PLEKHA2: variants seen among roughly 807,000 people sequenced by gnomAD.
PLEKHA2 encodes pleckstrin homology domain-containing family A member 2.
In PLEKHA2, 28 loss-of-function variants were observed where a neutral mutation model predicts 53.2. The observed-to-expected ratio is 0.53, with a 90% CI of 0.39 to 0.72. The LOEUF is 0.72. PLEKHA2 is among the 30% of genes least tolerant of loss of function. The pLI, the probability that PLEKHA2 is intolerant of heterozygous loss-of-function variation, is 0.00. For missense variants in PLEKHA2, 426 were observed against 537.9 expected, an observed-to-expected ratio of 0.79 and a Z score of 2.06; for synonymous variants, 193 against 196.4, an observed-to-expected ratio of 0.98 and a Z score of 0.14.
rs144541661 is a variant in PLEKHA2, at chr8:38,951,469, G to GTTT, written c.486+501_486+503dup. Among the ~76,000 whole-genome samples, 444 of 91,790 alleles carry GTTT rather than the reference G, an allele frequency of 4.8e-3. 6 individuals are homozygous for GTTT. Among genetic ancestry groups the GTTT allele is most frequent in the African/African-American group, 0.014 (314 of 22,216 alleles). 60.2% of individuals were successfully genotyped at this position (91,790 alleles called of 152,430 possible). The stretch of plus-strand genomic sequence containing the variant: ...GTTTTAATTATTTATATTTATTTAA[G>GTTT]TTTTTTTTTTTTTTTTTTTTTTTTG... On this transcript the variant is annotated intron_variant, in intron 6 of 11. Coordinates refer to ENST00000617275, the MANE Select transcript of PLEKHA2 (RefSeq NM_021623.2).
Position 38,969,645 on chromosome 8 carries a change from G to T in PLEKHA2, c.1140G>T (p.Thr380=), listed in dbSNP as rs760851419. 8.8e-6 allele frequency: 14 copies of T among 1,598,646 alleles called. 1 individual carries two copies. The South Asian group carries it at 1.1e-4, about 13-fold the overall frequency. The change falls in exon 12 of 12, where the codon ACG becomes ACT. Residue 380 remains threonine (T), a synonymous_variant. Transcript: ENST00000617275. The stretch of plus-strand genomic sequence containing the variant: ...ACACTTCAGAGGACTCCTTGTTCAC[G>T]CCTCGTCCTGGGGAGGGCAGCGCTC... ...PGDTSEDSLF[T]PRPGEGSAPG... is the part of the protein sequence containing the mutation.
chr8:38,908,857 T>C (rs1833915981), intron 1 of PLEKHA2, among the ~76,000 whole-genome samples: 1 of 152,152 alleles, frequency 6.6e-6, no homozygotes, highest in African/African-American at 2.4e-5. Context: ...ATTTAATTAT[T>C]TTCTGGGCCA....
In PLEKHA2 at chr8:38,970,748, A is replaced by C. The variant is rs1835233590; in HGVS notation, c.*965A>C. On this transcript the variant is annotated 3_prime_UTR_variant, in exon 12 of 12. Coordinates refer to ENST00000617275, the MANE Select transcript of PLEKHA2 (RefSeq NM_021623.2). ...AGGAGGTGGAGGTTGCAGTGAGCCA[A>C]GATCGCGCCATTGCACTCCAGTCAG... The C allele has an allele frequency of 6.6e-6, 1 of 152,610 alleles. No individual in the cohort carries two copies. Among genetic ancestry groups the C allele is most frequent in the Non-Finnish European group, 1.5e-5 (1 of 68,322 alleles). 9.5% of individuals were successfully genotyped at this position (152,610 alleles called of 1,614,324 possible).
At chr8:38,941,748 A>G (rs1393811861) in intron 3 of PLEKHA2, among the ~76,000 whole-genome samples, 1 of 152,230 alleles carries the variant, frequency 6.6e-6, no homozygotes. Flanking sequence ...TACCTGCACT[A>G]TCATATTTAA....
At chr8:38,935,176 G>A (rs981039638) in intron 2 of PLEKHA2, among the ~76,000 whole-genome samples, 3 of 151,964 alleles carry the variant, frequency 2.0e-5, no homozygotes, top group Non-Finnish European at 4.4e-5. Context: ...ACCAAGCCCG[G>A]CTCTATATTT....
intron 7 of PLEKHA2, 34 bp from the exon 8 acceptor site, chr8:38,952,601 TC>T: frequency 6.3e-7 from 1 of 1,590,330 alleles, no homozygotes; most frequent in Non-Finnish European, 8.5e-7. Flanking sequence ...TGGGCACCTC[TC>T]GCTAATGGTC....
At chr8:38,936,468 T>C (rs999163053) in intron 3 of PLEKHA2, among the ~76,000 whole-genome samples, 18 of 152,212 alleles carry the variant, frequency 1.2e-4, no homozygotes, top group Admixed American at 3.9e-4. Flanking sequence ...ACAAAAAATA[T>C]TGGGGCTTCA....
intron 9 of PLEKHA2, among the ~76,000 whole-genome samples, chr8:38,955,438 T>C (rs1834921975): frequency 1.3e-5 from 2 of 152,248 alleles, no homozygotes; most frequent in African/African-American, 4.8e-5. Context: ...ACATACATTA[T>C]GCCGGATGCC....
At chr8:38,924,407 C>T (rs1393183471) in intron 2 of PLEKHA2, among the ~76,000 whole-genome samples, 2 of 152,044 alleles carry the variant, frequency 1.3e-5, no homozygotes, top group African/African-American at 2.4e-5. Context: ...GGAAATGTTC[C>T]CGCGGGGACT....
Position 38,922,863 on chromosome 8 carries a change from G to A in PLEKHA2, c.141+4793G>A, listed in dbSNP as rs1834217131. On this transcript the variant is annotated intron_variant, in intron 2 of 11. Transcript: ENST00000617275. The surrounding 1 kb of genome is among the most constrained non-coding windows in gnomAD (Gnocchi z 4.0). ...GTTGTTACTCTTTGCTCATGGTTGT[G>A]CAGGTGGTAAATGCAGCGCTGGAGC... Among the ~76,000 whole-genome samples the A allele has an allele frequency of 1.3e-5, 2 of 152,208 alleles. No individual in the cohort carries two copies. Among genetic ancestry groups the A allele is most frequent in the African/African-American group, 4.8e-5 (2 of 41,452 alleles).
chr8:38,931,968 G>A (rs568236954), intron 2 of PLEKHA2, among the ~76,000 whole-genome samples: 1 of 152,202 alleles, frequency 6.6e-6, no homozygotes, highest in African/African-American at 2.4e-5. Flanking sequence ...GCTTGAGCGC[G>A]GGCTTTTTTT....
chr8:38,951,109 G>T, intron 6 of PLEKHA2, 119 bp downstream of exon 6: 1 of 839,694 alleles, frequency 1.2e-6, no homozygotes, highest in South Asian at 1.8e-5. Context: ...GGGGCAGCTG[G>T]TGCCAGTGGA....
At chr8:38,916,131 A>G (rs957052785) in intron 1 of PLEKHA2, among the ~76,000 whole-genome samples, 1 of 151,994 alleles carries the variant, frequency 6.6e-6, no homozygotes. Context: ...ATGCGCCACC[A>G]CGACTGGCTA....
intron 1 of PLEKHA2, among the ~76,000 whole-genome samples, chr8:38,905,685 C>CTTTT (rs5891048): frequency 3.4e-5 from 4 of 117,620 alleles, no homozygotes; most frequent in Non-Finnish European, 5.0e-5. Context: ...TGTGTTTTTG[C>CTTTT]TTTTTTTTTT....
At position 38,905,882 on chromosome 8, in the gene PLEKHA2, C is replaced by T. The variant is rs146788045; in HGVS notation, c.-24+4437C>T. Among the ~76,000 whole-genome samples, 551 of 152,220 alleles carry T rather than the reference C, an allele frequency of 3.6e-3. 22 individuals are homozygous for T. In the East Asian group the frequency reaches 0.074, roughly 20 times the overall value. ...TGTATTTTTAGCAGAGACAGGGTTT[C>T]ACTGTGTTAGCCAGGATGGTCTCCA... On this transcript the variant is annotated intron_variant, in intron 1 of 11. Transcript: ENST00000617275.
chr8:38,906,225 G>A (rs555233519), intron 1 of PLEKHA2, among the ~76,000 whole-genome samples: 5 of 152,362 alleles, frequency 3.3e-5, no homozygotes, highest in African/African-American at 1.2e-4. Context: ...CCTCTCTGGT[G>A]GAGATGGTCT....
chr8:38,952,393 G>A (rs1340388186), intron 7 of PLEKHA2, 81 bp downstream of exon 7: 1 of 1,530,528 alleles, frequency 6.5e-7, no homozygotes, highest in African/African-American at 1.4e-5. Context: ...GAGGTGAGAG[G>A]GGATTGACAG....
chr8:38,918,618 TACAC>T (rs1212774890), intron 2 of PLEKHA2, among the ~76,000 whole-genome samples: 3 of 4,502 alleles, frequency 6.7e-4, no homozygotes, highest in East Asian at 6.8e-3. Flanking sequence ...ACACAAGCCA[TACAC>T]ACACACCACA....
chr8:38,915,216 G>T (rs1834037288), intron 1 of PLEKHA2, among the ~76,000 whole-genome samples: 1 of 152,214 alleles, frequency 6.6e-6, no homozygotes, highest in Non-Finnish European at 1.5e-5. Context: ...AAAGTGCTGG[G>T]ATTACAGTTG....
Sources: gnomAD v4.1 joint callset for allele counts (sites outside exome capture counted in the v4.1 genomes callset) on GRCh38, gnomAD v4.1.1 for gene constraint, Gnocchi (gnomAD v3.1) non-coding constraint, MANE v1.5 for transcripts, NCBI Gene and HGNC (gene_info 2026-07-23, HGNC 2026-07-21) for gene names.